Variants in GALNT11 observed in about 807,000 individuals in gnomAD.
GALNT11 encodes the protein polypeptide N-acetylgalactosaminyltransferase 11, also known as UDP-GalNAc:polypeptide N-acetylgalactosaminyltransferase 11.
In GALNT11, 47 loss-of-function variants were observed where a neutral mutation model predicts 72.7. That is an observed-to-expected ratio of 0.65 (90% confidence interval 0.51 to 0.82). The LOEUF (loss-of-function observed/expected upper bound fraction) is 0.82, where lower values mean the gene tolerates loss of function less well. GALNT11 is among the 40% of genes least tolerant of loss of function. The probability of loss-of-function intolerance (pLI) is 0.00; values close to 1 mark genes in which losing one functional copy is unlikely to be tolerated. For missense variants in GALNT11, 677 were observed against 778.4 expected, an observed-to-expected ratio of 0.87 and a Z score of 1.55; for synonymous variants, 270 against 286.6, an observed-to-expected ratio of 0.94 and a Z score of 0.58.
chr7:152,047,395 C>T (rs966552495), intron 1 of GALNT11, among the ~76,000 whole-genome samples: 5 of 151,994 alleles, frequency 3.3e-5, no homozygotes, highest in African/African-American at 9.7e-5. Flanking sequence ...ACCTGGGAAG[C>T]GGAGGTTGTA....
At chr7:152,056,395 C>A (rs1040403352) in intron 1 of GALNT11, among the ~76,000 whole-genome samples, 1 of 152,142 alleles carries the variant, frequency 6.6e-6, no homozygotes, top group Non-Finnish European at 1.5e-5. Context: ...CGCGGGTTGC[C>A]ACGTTTTCCC....
At chr7:152,115,833 G>A (rs1259666468) in intron 8 of GALNT11, among the ~76,000 whole-genome samples, 1 of 151,890 alleles carries the variant, frequency 6.6e-6, no homozygotes, top group African/African-American at 2.4e-5. Flanking sequence ...GAGGCAGGAG[G>A]ATCACCTGAG....
chr7:152,060,197 T>C (rs2083920688), intron 1 of GALNT11, among the ~76,000 whole-genome samples: 1 of 152,236 alleles, frequency 6.6e-6, no homozygotes, highest in South Asian at 2.1e-4. Flanking sequence ...TTTCTCAGTC[T>C]GCATAGAATT....
intron 1 of GALNT11, among the ~76,000 whole-genome samples, chr7:152,065,482 G>C (rs549882405): frequency 6.6e-6 from 1 of 152,310 alleles, no homozygotes; most frequent in South Asian, 2.1e-4. Flanking sequence ...TCTATTGCTG[G>C]TGAGGAACTG....
In GALNT11 at chr7:152,025,816, C is replaced by A; in HGVS notation, c.-107C>A. ...GCCGCTCCTGCGGGTCGGACTGGGG[C>A]TGTGGCGGGAGAGAAGATGCCGCAG... is the stretch of plus-strand genomic sequence containing the variant. On this transcript the variant is annotated 5_prime_UTR_variant, in exon 1 of 12. It adds an upstream start codon to the 5' untranslated region. Coordinates refer to ENST00000430044, the MANE Select transcript of GALNT11 (RefSeq NM_022087.4). 1 of 267,468 alleles carries A rather than the reference C, an allele frequency of 3.7e-6. No individual in the cohort carries two copies. The highest frequency in any genetic ancestry group is 8.1e-6 in the Non-Finnish European group (1 of 123,874). 16.6% of individuals were successfully genotyped at this position (267,468 alleles called of 1,614,324 possible). A position where few individuals can be genotyped will look rare whatever the true frequency, so the allele number is the denominator to read the frequency against.
intron 1 of GALNT11, among the ~76,000 whole-genome samples, chr7:152,063,750 G>A (rs1369381551): frequency 2.0e-5 from 3 of 152,214 alleles, no homozygotes; most frequent in African/African-American, 7.2e-5. Flanking sequence ...AGGTTGTTCA[G>A]TTTCCATGTA....
At chr7:152,027,058 G>C (rs2082053541) in intron 1 of GALNT11, among the ~76,000 whole-genome samples, 1 of 152,138 alleles carries the variant, frequency 6.6e-6, no homozygotes, top group Admixed American at 6.5e-5. Context: ...GACCATCCTG[G>C]CTAACACGGT....
chr7:152,040,356 G>A (rs1188918552), intron 1 of GALNT11, among the ~76,000 whole-genome samples: 1 of 152,162 alleles, frequency 6.6e-6, no homozygotes, highest in East Asian at 1.9e-4. Context: ...TCGAGAATTA[G>A]CTCCTCCTGT....
intron 10 of GALNT11, chr7:152,120,102 G>A (rs1026131796): frequency 9.2e-5 from 14 of 152,212 alleles, no homozygotes; most frequent in African/African-American, 3.4e-4. Context: ...TGCTAATTCT[G>A]TAGCCACTAG....
At chr7:152,064,499 A>T (rs1039759397) in intron 1 of GALNT11, among the ~76,000 whole-genome samples, 16 of 152,126 alleles carry the variant, frequency 1.1e-4, no homozygotes, top group Non-Finnish European at 1.5e-4. Context: ...TGTCATTATG[A>T]TGTTAGCTGG....
intron 5 of GALNT11, among the ~76,000 whole-genome samples, chr7:152,106,461 A>G (rs1242925206): frequency 1.3e-5 from 2 of 152,100 alleles, no homozygotes; most frequent in African/African-American, 4.8e-5. Flanking sequence ...AAAAAAAAAG[A>G]GAAGCAGCTC....
intron 10 of GALNT11, chr7:152,119,336 T>G (rs2089203256): frequency 6.6e-6 from 1 of 152,152 alleles, no homozygotes; most frequent in Non-Finnish European, 1.5e-5. Context: ...GAACGGTAAT[T>G]TCAAACTCGT....
At chr7:152,052,255 C>G (rs971267266) in intron 1 of GALNT11, among the ~76,000 whole-genome samples, 12 of 151,908 alleles carry the variant, frequency 7.9e-5, no homozygotes, top group South Asian at 2.1e-4. Context: ...TCCATTCATC[C>G]CCTAGGATAT....
intron 1 of GALNT11, among the ~76,000 whole-genome samples, chr7:152,059,468 A>C (rs936060796): frequency 6.6e-6 from 1 of 152,192 alleles, no homozygotes; most frequent in Non-Finnish European, 1.5e-5. Context: ...TATTTTGCAC[A>C]GATCCACCAA....
chr7:152,059,443 A>C (rs1051042846), intron 1 of GALNT11, among the ~76,000 whole-genome samples: 1 of 152,170 alleles, frequency 6.6e-6, no homozygotes, highest in African/African-American at 2.4e-5. Flanking sequence ...AAGCTTTTCC[A>C]GAAAGTTTTC....
At chr7:152,072,794 A>G (rs1001639368) in intron 1 of GALNT11, among the ~76,000 whole-genome samples, 2 of 152,244 alleles carry the variant, frequency 1.3e-5, no homozygotes, top group Non-Finnish European at 2.9e-5. Context: ...GAACACAGCA[A>G]TAGGGACCTC....
In GALNT11 at chr7:152,108,272, C is replaced by T. The variant is rs777020469; in HGVS notation, c.947C>T (p.Ala316Val). The T allele has an allele frequency of 1.2e-6, 2 of 1,609,846 alleles. No individual in the cohort carries two copies. Among genetic ancestry groups the T allele is most frequent in the Admixed American group, 3.3e-5 (2 of 59,932 alleles). ...TCTGAGCTAGGACGAGCGGAGGGAGCCACTGCACCAATAAAGTAAGATCGC... is the reference window on the plus strand; with the variant it reads ...TCTGAGCTAGGACGAGCGGAGGGAGTCACTGCACCAATAAAGTAAGATCGC... ...PLSELGRAEG[A>V]TAPIKSPTMA... Residue 316 changes from alanine to valine, a missense_variant, in exon 6 of 12, where the codon GCC becomes GTC. Ala to Val is a moderately conservative substitution (Grantham distance 64, BLOSUM62 0). Coordinates refer to ENST00000430044, the MANE Select transcript of GALNT11 (RefSeq NM_022087.4).
chr7:152,071,122 T>C (rs893032216), intron 1 of GALNT11, among the ~76,000 whole-genome samples: 5 of 152,226 alleles, frequency 3.3e-5, no homozygotes, highest in African/African-American at 1.2e-4. Context: ...TCGGGCACCA[T>C]TGTCATTGAT....
intron 8 of GALNT11, among the ~76,000 whole-genome samples, chr7:152,114,741 T>A (rs2088661078): frequency 6.6e-6 from 1 of 152,088 alleles, no homozygotes; most frequent in African/African-American, 2.4e-5. Flanking sequence ...TGCTGCTGTA[T>A]TTGTGTATAG....
Sources: allele counts gnomAD v4.1 joint callset (sites outside exome capture counted in the v4.1 genomes callset), GRCh38; gene constraint gnomAD v4.1.1; transcripts MANE v1.5; gene names NCBI Gene and HGNC (gene_info 2026-07-23, HGNC 2026-07-21).